FGF13: variants seen among roughly 807,000 people sequenced by gnomAD.
FGF13 encodes the protein fibroblast growth factor 13, also known as fibroblast growth factor homologous factor 2.
Under a neutral mutation model 19.5 loss-of-function variants are expected in FGF13, and 2 were observed. The ratio of observed to expected loss-of-function variants is 0.10; its 90% CI spans 0.04 to 0.32. FGF13 has a LOEUF of 0.32. Among genes scored for constraint, FGF13 ranks in the 10% least tolerant of loss-of-function variants. FGF13 has a pLI of 1.00. For synonymous variants in FGF13, 72 were observed against 76.9 expected (o/e 0.94, Z 0.33); for missense variants, 113 against 192.7 (o/e 0.59, Z 2.45).
chrX:138,649,829 C>T (rs1231646526), intron 3 of FGF13, among the ~76,000 whole-genome samples: 2 of 112,351 alleles, frequency 1.8e-5, no homozygotes, highest in African/African-American at 6.5e-5. Context: ...CCTAGACAGT[C>T]AGAACTCCTC....
chrX:139,091,036 G>A (rs912260168), intron 1 of FGF13, among the ~76,000 whole-genome samples: 3 of 109,793 alleles, frequency 2.7e-5, no homozygotes, highest in Non-Finnish European at 5.7e-5. Context: ...GAGAGAACTG[G>A]GGTGTCAAGA....
chrX:139,150,673 G>A (rs991377220), intron 1 of FGF13, among the ~76,000 whole-genome samples: 2 of 112,047 alleles, frequency 1.8e-5, no homozygotes, highest in East Asian at 2.8e-4. Flanking sequence ...GCCAGGCACT[G>A]TGCTAGATAA....
intron 1 of FGF13, among the ~76,000 whole-genome samples, chrX:139,055,472 G>A (rs959797409): frequency 8.9e-6 from 1 of 112,466 alleles, no homozygotes; most frequent in African/African-American, 3.2e-5. Flanking sequence ...GATGCAATGG[G>A]TGTGGCACCC....
At position 139,131,759 on chromosome X, in the gene FGF13, C is replaced by A. The variant is rs760957212; in HGVS notation, c.-113+71657G>T. ...CTCAAAAAATAAAAATAAAAAAGAT[C>A]AACGTTGCTCTAGAAGTCTGAATTC... is the stretch of plus-strand genomic sequence containing the variant. On this transcript the variant is annotated intron_variant, in intron 1 of 2. Transcript: ENST00000421460. Among the ~76,000 whole-genome samples the A allele has an allele frequency of 6.8e-4, 76 of 111,319 alleles. 1 individual carries two copies. The highest frequency in any genetic ancestry group is 2.8e-4 in the East Asian group (1 of 3,522).
At chrX:138,650,468 A>G (rs973010450) in intron 3 of FGF13, among the ~76,000 whole-genome samples, 4 of 112,045 alleles carry the variant, frequency 3.6e-5, no homozygotes, top group Admixed American at 1.9e-4. Context: ...AGTACCTACA[A>G]GAACATACAA....
At chrX:138,740,345 C>G (rs181078984), upstream of FGF13, among the ~76,000 whole-genome samples, 1 of 111,782 alleles carries the variant, frequency 8.9e-6, no homozygotes, top group African/African-American at 3.3e-5. Flanking sequence ...AGCCCCAGTA[C>G]CCATATTCAG....
intron 1 of FGF13, among the ~76,000 whole-genome samples, chrX:138,917,815 G>A (rs1275256031): frequency 9.0e-6 from 1 of 111,310 alleles, no homozygotes; most frequent in East Asian, 2.8e-4. Context: ...AGGTTACCAT[G>A]GCATAAAATT....
At chrX:139,081,723 C>CCT (rs754997120) in intron 1 of FGF13, among the ~76,000 whole-genome samples, 100 of 75,356 alleles carry the variant, frequency 1.3e-3, no homozygotes, top group Non-Finnish European at 1.8e-3. Flanking sequence ...ATTCTTAATT[C>CCT]CTCTCTCTCT....
In FGF13 at chrX:139,064,443, C is replaced by T. The variant is rs1162371433; in HGVS notation, c.-113+138973G>A. ...TCAGCCTCCCGAGTAGCTGGGACTA[C>T]AGGCGCCCGCCACCGCGCCCGGCTA... On this transcript the variant is annotated intron_variant, in intron 1 of 2. Transcript: ENST00000421460. Among the ~76,000 whole-genome samples the T allele has an allele frequency of 4.9e-5, 4 of 82,003 alleles. 1 individual carries two copies. The highest frequency in any genetic ancestry group is 2.3e-4 in the African/African-American group (4 of 17,676). 71.2% of individuals were successfully genotyped at this position (82,003 alleles called of 115,157 possible).
intron 3 of FGF13, among the ~76,000 whole-genome samples, chrX:138,685,323 A>G (rs948551484): frequency 9.0e-6 from 1 of 111,369 alleles, no homozygotes; most frequent in Admixed American, 9.6e-5. Flanking sequence ...ACTAAAGAAA[A>G]GTTATTGTAT....
At chrX:139,156,826 T>C (rs1353610826) in intron 1 of FGF13, among the ~76,000 whole-genome samples, 1 of 112,115 alleles carries the variant, frequency 8.9e-6, no homozygotes, top group Non-Finnish European at 1.9e-5. Context: ...TGGGCCACAA[T>C]AAATGAAGGT....
chrX:138,880,383 T>G (rs2091416355), intron 1 of FGF13, among the ~76,000 whole-genome samples: 1 of 112,044 alleles, frequency 8.9e-6, no homozygotes, highest in Non-Finnish European at 1.9e-5. Flanking sequence ...CATGCACACG[T>G]ATGTTTACTG....
downstream of FGF13, among the ~76,000 whole-genome samples, chrX:138,855,986 G>A: frequency 9.1e-6 from 1 of 109,601 alleles, no homozygotes; most frequent in Admixed American, 9.8e-5. Flanking sequence ...GTGTGTGTGT[G>A]TGTGTGTTTA....
chrX:139,125,026 A>G (rs193156634), intron 1 of FGF13, among the ~76,000 whole-genome samples: 16 of 111,820 alleles, frequency 1.4e-4, no homozygotes, highest in Admixed American at 1.1e-3. Context: ...AAATCACATA[A>G]TATATGTTTT....
At chrX:138,668,850 GC>G (rs965662237) in intron 3 of FGF13, among the ~76,000 whole-genome samples, 2 of 111,198 alleles carry the variant, frequency 1.8e-5, no homozygotes, top group African/African-American at 3.3e-5. Context: ...CTGGTCAAGT[GC>G]TGTAGAAAGG....
intron 1 of FGF13, among the ~76,000 whole-genome samples, chrX:139,151,367 C>T (rs752090470): frequency 7.2e-5 from 8 of 111,868 alleles, no homozygotes; most frequent in Non-Finnish European, 1.5e-4. Flanking sequence ...GTGGCTGCCA[C>T]TGGCTGCCTT....
chrX:138,679,990 T>C (rs1032078491), intron 3 of FGF13, among the ~76,000 whole-genome samples: 5 of 112,636 alleles, frequency 4.4e-5, no homozygotes, highest in Non-Finnish European at 9.4e-5. Flanking sequence ...TTCTACATCA[T>C]TTGTTGTAAT....
At chrX:139,083,949 G>A (rs1173295247) in intron 1 of FGF13, among the ~76,000 whole-genome samples, 1 of 111,127 alleles carries the variant, frequency 9.0e-6, no homozygotes, top group African/African-American at 3.3e-5. Flanking sequence ...GATCTGCACA[G>A]TGCTCAGGAA....
intron 1 of FGF13, among the ~76,000 whole-genome samples, chrX:138,980,191 A>C (rs1201958417): frequency 9.0e-6 from 1 of 111,324 alleles, no homozygotes; most frequent in Non-Finnish European, 1.9e-5. Flanking sequence ...GAAATTGAGG[A>C]TCACCAAAAT....
Sources: gnomAD v4.1 joint callset for allele counts (sites outside exome capture counted in the v4.1 genomes callset) on GRCh38, gnomAD v4.1.1 for gene constraint, MANE v1.5 for transcripts, NCBI Gene and HGNC (gene_info 2026-07-23, HGNC 2026-07-21) for gene names.